Variants in LYPD6 observed in about 807,000 individuals in gnomAD.
LYPD6 encodes LY6/PLAUR domain containing 6, also known as ly6/PLAUR domain-containing protein 6.
In LYPD6, 15 loss-of-function variants were observed where a neutral mutation model predicts 22.7. That is an observed-to-expected ratio of 0.66 (90% CI 0.44 to 1.02). The LOEUF (loss-of-function observed/expected upper bound fraction) is 1.02. LYPD6 is among the 50% of genes least tolerant of loss of function. The pLI is 0.00. For missense variants in LYPD6, 189 were observed against 208.4 expected (o/e 0.91, Z 0.57); for synonymous variants, 72 against 77.5 (o/e 0.93, Z 0.37).
rs143991396 is a variant in LYPD6, at chr2:149,471,085, A to G, written c.*235A>G. On this transcript the variant is annotated 3_prime_UTR_variant, in exon 5 of 5. Transcript: ENST00000334166. ...GTCAGTACAGCCCAAGTTCCATACC[A>G]TAAACGTTTGTTTTCATTCCAAGAA... is the stretch of plus-strand genomic sequence containing the variant. 9.2e-3 allele frequency: 3,626 copies of G among 393,646 alleles called. 27 individuals carry two copies. Among genetic ancestry groups the G allele is most frequent in the Non-Finnish European group, 0.012 (2,507 of 217,816 alleles). 24.4% of individuals were successfully genotyped at this position (393,646 alleles called of 1,614,324 possible).
intron 1 of LYPD6, among the ~76,000 whole-genome samples, chr2:149,420,187 G>C (rs1193435107): frequency 1.3e-5 from 2 of 152,156 alleles, no homozygotes; most frequent in Non-Finnish European, 2.9e-5. Flanking sequence ...GTCAGGGCGG[G>C]GGTCCCAGTG....
intron 1 of LYPD6, among the ~76,000 whole-genome samples, chr2:149,395,030 CCCTT>C (rs1451052008): frequency 6.6e-6 from 1 of 152,150 alleles, no homozygotes; most frequent in African/African-American, 2.4e-5. Flanking sequence ...TCATGGACTG[CCCTT>C]CCTGATGGTT....
chr2:149,462,770 A>G (rs911389072), intron 3 of LYPD6, among the ~76,000 whole-genome samples: 1 of 152,076 alleles, frequency 6.6e-6, no homozygotes, highest in African/African-American at 2.4e-5. Context: ...CTAATTTTTA[A>G]CAAAGGTGTA....
At chr2:149,383,166 C>T (rs1348270064) in intron 1 of LYPD6, among the ~76,000 whole-genome samples, 1 of 152,020 alleles carries the variant, frequency 6.6e-6, no homozygotes, top group East Asian at 1.9e-4. Context: ...TTTTCATTAC[C>T]TAAACTTAAT....
rs757818167 is a variant in LYPD6, at chr2:149,437,763, T to G, written c.55T>G (p.Cys19Gly). The G allele has an allele frequency of 3.8e-5, 61 of 1,614,086 alleles. No homozygotes were observed. The highest frequency in any genetic ancestry group is 4.8e-5 in the Non-Finnish European group (57 of 1,180,038). Residue 19 changes from cysteine to glycine, a missense_variant, in exon 2 of 5, where the codon TGT becomes GGT. Physicochemically the swap from Cys to Gly is radical, Grantham distance 159. Transcript: ENST00000334166. ...WLLLLSLLAD[C>G]LKAAQSRDFT... ...CCTGCTCCTGAGCCTGCTGGCGGAT[T>G]GTCTGAAAGCTGCTCAGTCCCGAGA...
At chr2:149,485,678 C>T in the LYPD6 span, among the ~76,000 whole-genome samples, 1 of 152,262 alleles carries the variant, frequency 6.6e-6, no homozygotes, top group Admixed American at 6.5e-5. Context: ...GTATTAATAG[C>T]ACGGCAAGTC....
At chr2:149,476,273 C>T (rs1378544237), downstream of LYPD6, among the ~76,000 whole-genome samples, 2 of 152,120 alleles carry the variant, frequency 1.3e-5, no homozygotes, top group African/African-American at 4.8e-5. Flanking sequence ...AAAGGGCAAG[C>T]TTTTGCAGGA....
intron 1 of LYPD6, among the ~76,000 whole-genome samples, chr2:149,359,604 A>G (rs371826387): frequency 4.5e-4 from 69 of 152,330 alleles, no homozygotes; most frequent in African/African-American, 1.6e-3. Flanking sequence ...TTGACATCAC[A>G]AGGCTATTAA....
intron 2 of LYPD6, among the ~76,000 whole-genome samples, chr2:149,443,855 T>C (rs1683621671): frequency 6.6e-6 from 1 of 151,718 alleles, no homozygotes; most frequent in Non-Finnish European, 1.5e-5. Context: ...CTTGTGCATA[T>C]AAAAGTTATG....
At chr2:149,455,337 C>T (rs1680932679) in intron 3 of LYPD6, among the ~76,000 whole-genome samples, 1 of 150,190 alleles carries the variant, frequency 6.7e-6, no homozygotes, top group African/African-American at 2.5e-5. Flanking sequence ...CAGCTCACTG[C>T]AAGCTCCGCC....
At chr2:149,358,020 AG>A (rs1681480007) in intron 1 of LYPD6, among the ~76,000 whole-genome samples, 1 of 152,094 alleles carries the variant, frequency 6.6e-6, no homozygotes, top group African/African-American at 2.4e-5. Context: ...TCCTGACCTC[AG>A]GTGATCCGCC....
intron 1 of LYPD6, among the ~76,000 whole-genome samples, chr2:149,399,314 G>T (rs1682500300): frequency 6.6e-6 from 1 of 152,108 alleles, no homozygotes; most frequent in Non-Finnish European, 1.5e-5. Context: ...CAGACATCTT[G>T]AATGTCATTT....
chr2:149,414,884 C>G (rs1682928450), intron 1 of LYPD6, among the ~76,000 whole-genome samples: 1 of 152,168 alleles, frequency 6.6e-6, no homozygotes, highest in African/African-American at 2.4e-5. Flanking sequence ...CACCAGCTGG[C>G]AGGCAGGAAC....
chr2:149,448,331 A>G (rs1477366788), intron 2 of LYPD6, among the ~76,000 whole-genome samples: 2 of 152,156 alleles, frequency 1.3e-5, no homozygotes, highest in East Asian at 3.9e-4. Context: ...CTATAGCATA[A>G]TACCACAACT....
chr2:149,352,423 C>A (rs1201117619), intron 1 of LYPD6, among the ~76,000 whole-genome samples: 1 of 152,128 alleles, frequency 6.6e-6, no homozygotes, highest in African/African-American at 2.4e-5. Flanking sequence ...GGAGATGTGA[C>A]AGTGGCTGCA....
chr2:149,399,763 A>T (rs1443183485), intron 1 of LYPD6, among the ~76,000 whole-genome samples: 2 of 151,848 alleles, frequency 1.3e-5, no homozygotes, highest in Admixed American at 6.6e-5. Context: ...AATAAATAAA[A>T]TCATTAGAGG....
chr2:149,461,339 A>G (rs1339370844), intron 3 of LYPD6, among the ~76,000 whole-genome samples: 1 of 152,024 alleles, frequency 6.6e-6, no homozygotes, highest in Non-Finnish European at 1.5e-5. Context: ...AAGTACCACA[A>G]TTCACTAAAA....
chr2:149,408,814 C>T (rs114602882), intron 1 of LYPD6, among the ~76,000 whole-genome samples: 1,726 of 152,156 alleles, frequency 0.011, 35 homozygotes, highest in African/African-American at 0.04. Context: ...TTTTATATCC[C>T]GTACCATGTT....
intron 1 of LYPD6, among the ~76,000 whole-genome samples, chr2:149,344,757 G>A (rs570633348): frequency 1.3e-5 from 2 of 152,296 alleles, no homozygotes; most frequent in South Asian, 4.2e-4. Context: ...GTGCGGGAGT[G>A]GAGGAAGGTA....
Sources: gnomAD v4.1 joint callset for allele counts (sites outside exome capture counted in the v4.1 genomes callset) on GRCh38, gnomAD v4.1.1 for gene constraint, MANE v1.5 for transcripts, NCBI Gene and HGNC (gene_info 2026-07-23, HGNC 2026-07-21) for gene names.